Variants in LRP1B observed in about 807,000 individuals in gnomAD.
LRP1B encodes the protein LDL receptor related protein 1B.
Under a neutral mutation model 556.6 loss-of-function variants are expected in LRP1B, and 217 were observed. That is an observed-to-expected ratio of 0.39 (90% confidence interval 0.35 to 0.44). LRP1B has a LOEUF of 0.44. Among genes scored for constraint, LRP1B ranks in the 20% least tolerant of loss-of-function variants. The pLI is 1.00. For synonymous variants in LRP1B, 2,047 were observed against 1,865.8 expected (o/e 1.10, Z -2.50); for missense variants, 5,053 against 5,620.8 (o/e 0.90, Z 3.23).
intron 2 of LRP1B, among the ~76,000 whole-genome samples, chr2:141,676,993 A>C (rs1690908856): frequency 1.3e-5 from 2 of 152,292 alleles, no homozygotes; most frequent in South Asian, 2.1e-4. Context: ...TATTAACTAA[A>C]ATAATTGCAA....
At chr2:141,131,674 A>T (rs1574106712) in intron 7 of LRP1B, among the ~76,000 whole-genome samples, 1 of 114,486 alleles carries the variant, frequency 8.7e-6, no homozygotes, top group Non-Finnish European at 1.9e-5. Context: ...GGGAATCCAT[A>T]AAAAAAAAGA....
chr2:141,910,221 G>A (rs751377311), intron 1 of LRP1B, among the ~76,000 whole-genome samples: 16 of 149,622 alleles, frequency 1.1e-4, no homozygotes, highest in Non-Finnish European at 2.2e-4. Context: ...ACCAAATTTT[G>A]CTTGGGTTGC....
intron 66 of LRP1B, among the ~76,000 whole-genome samples, chr2:140,427,951 T>A (rs1168764918): frequency 6.6e-6 from 1 of 152,100 alleles, no homozygotes; most frequent in African/African-American, 2.4e-5. Flanking sequence ...AATTTCCTCT[T>A]AAAAAGGTGG....
chr2:141,099,038 C>A (rs541623843), intron 7 of LRP1B, among the ~76,000 whole-genome samples: 1 of 152,042 alleles, frequency 6.6e-6, no homozygotes, highest in African/African-American at 2.4e-5. Context: ...TATTTGACTG[C>A]AGGTAAAAGC....
At chr2:141,988,686 G>A (rs1215619483) in intron 1 of LRP1B, among the ~76,000 whole-genome samples, 1 of 151,976 alleles carries the variant, frequency 6.6e-6, no homozygotes, top group Non-Finnish European at 1.5e-5. Context: ...TAGATCTGAA[G>A]ATATTTGCAG....
At chr2:140,679,289 G>T (rs1000620863) in intron 41 of LRP1B, among the ~76,000 whole-genome samples, 3 of 152,174 alleles carry the variant, frequency 2.0e-5, no homozygotes, top group Non-Finnish European at 2.9e-5. Context: ...CTGAGAACTA[G>T]AACTTCAATA....
intron 41 of LRP1B, among the ~76,000 whole-genome samples, chr2:140,633,609 A>G (rs1234879852): frequency 2.6e-5 from 4 of 152,172 alleles, no homozygotes; most frequent in Non-Finnish European, 4.4e-5. Flanking sequence ...ACAAGAAGAC[A>G]CAAATTACTT....
intron 3 of LRP1B, among the ~76,000 whole-genome samples, chr2:141,428,352 A>G (rs1356979357): frequency 6.6e-6 from 1 of 152,170 alleles, no homozygotes; most frequent in Non-Finnish European, 1.5e-5. Flanking sequence ...ATGAAAAGTG[A>G]CAGAACTTCT....
rs140575937 is a variant in LRP1B, at chr2:141,179,157, T to C, written c.1013+9264A>G. Among the ~76,000 whole-genome samples, 603 of 152,162 alleles carry C rather than the reference T, an allele frequency of 4.0e-3. 5 individuals carry two copies. The highest frequency in any genetic ancestry group is 0.013 in the African/African-American group (552 of 41,566). ...TAAAAAAACAGAAAATTTTTGTTTTTGCAGAAAATGAATCAGAAACCTTAT... is the reference window on the plus strand; with the variant it reads ...TAAAAAAACAGAAAATTTTTGTTTTCGCAGAAAATGAATCAGAAACCTTAT... On this transcript the variant is annotated intron_variant, in intron 7 of 90. Coordinates refer to ENST00000389484, the MANE Select transcript of LRP1B (RefSeq NM_018557.3).
intron 3 of LRP1B, among the ~76,000 whole-genome samples, chr2:141,410,804 T>A (rs1331218486): frequency 6.6e-6 from 1 of 152,002 alleles, no homozygotes; most frequent in Non-Finnish European, 1.5e-5. Context: ...TCAAATTAGG[T>A]CATCATAGTT....
chr2:142,044,324 T>A (rs1002277840), intron 1 of LRP1B, among the ~76,000 whole-genome samples: 1 of 151,782 alleles, frequency 6.6e-6, no homozygotes, highest in African/African-American at 2.4e-5. Flanking sequence ...ATTAGTCACA[T>A]ACCAAATGTG....
At chr2:141,755,732 A>G (rs1456111326) in intron 2 of LRP1B, among the ~76,000 whole-genome samples, 1 of 152,204 alleles carries the variant, frequency 6.6e-6, no homozygotes, top group South Asian at 2.1e-4. Flanking sequence ...AACTTTTCAT[A>G]ATAATAAAAA....
intron 3 of LRP1B, among the ~76,000 whole-genome samples, chr2:141,340,111 T>C (rs975967699): frequency 3.9e-5 from 6 of 152,204 alleles, no homozygotes; most frequent in Non-Finnish European, 8.8e-5. Context: ...ATCTCATTTA[T>C]AGTTTTGTGA....
chr2:141,979,387 A>G (rs2105091982), intron 1 of LRP1B, among the ~76,000 whole-genome samples: 1 of 152,174 alleles, frequency 6.6e-6, no homozygotes, highest in East Asian at 1.9e-4. Context: ...AACATTTAAC[A>G]CTTATATTGA....
At chr2:141,744,276 A>G (rs963634556) in intron 2 of LRP1B, among the ~76,000 whole-genome samples, 7 of 151,920 alleles carry the variant, frequency 4.6e-5, no homozygotes, top group African/African-American at 7.3e-5. Context: ...TTTAACTTCC[A>G]TGTGTTTGTA....
chr2:141,793,302 C>A (rs985997513), intron 2 of LRP1B, among the ~76,000 whole-genome samples: 2 of 151,818 alleles, frequency 1.3e-5, no homozygotes, highest in African/African-American at 4.8e-5. Flanking sequence ...ATGAGTAACG[C>A]TAAGGAGAAA....
intron 6 of LRP1B, among the ~76,000 whole-genome samples, chr2:141,195,671 A>C (rs59688779): frequency 6.6e-6 from 1 of 152,134 alleles, no homozygotes; most frequent in African/African-American, 2.4e-5. Context: ...ACAGAGGATA[A>C]TCCGTAAATG....
chr2:140,923,826 G>C (rs1694811033), intron 20 of LRP1B, among the ~76,000 whole-genome samples: 1 of 151,822 alleles, frequency 6.6e-6, no homozygotes, highest in African/African-American at 2.4e-5. Flanking sequence ...CCCCAAATCT[G>C]ATGATTAAAA....
chr2:140,276,246 A>G (rs530477636), intron 84 of LRP1B, among the ~76,000 whole-genome samples: 8 of 152,016 alleles, frequency 5.3e-5, no homozygotes, highest in Admixed American at 5.3e-4. Context: ...CCTTTATTAA[A>G]TCAGACAAAT....
Sources: allele counts gnomAD v4.1 joint callset (sites outside exome capture counted in the v4.1 genomes callset), GRCh38; gene constraint gnomAD v4.1.1; transcripts MANE v1.5; gene names NCBI Gene and HGNC (gene_info 2026-07-23, HGNC 2026-07-21).